Variants in FBXL13 observed in about 807,000 individuals in gnomAD.
The protein encoded by FBXL13 is F-box and leucine-rich repeat protein 13.
A neutral mutation model predicts 83.6 loss-of-function variants in FBXL13; 67 were observed. The ratio of observed to expected loss-of-function variants is 0.80; its 90% CI spans 0.66 to 0.98. The LOEUF (loss-of-function observed/expected upper bound fraction) is 0.98. Among genes scored for constraint, FBXL13 ranks in the 50% least tolerant of loss-of-function variants. FBXL13 has a pLI of 0.00. For synonymous variants in FBXL13, 272 were observed against 299.5 expected (o/e 0.91, Z 0.95); for missense variants, 822 against 866.5 (o/e 0.95, Z 0.64).
At chr7:102,821,956 A>G in intron 19 of FBXL13, 84 bp downstream of exon 20, 1 of 1,356,664 alleles carries the variant, frequency 7.4e-7, no homozygotes, top group Non-Finnish European at 1.0e-6. Flanking sequence ...GAAAGCTGCT[A>G]TGTATTATGA....
At chr7:102,915,263 G>A (rs1266148496) in intron 10 of FBXL13, among the ~76,000 whole-genome samples, 1 of 151,654 alleles carries the variant, frequency 6.6e-6, no homozygotes, top group African/African-American at 2.4e-5. Context: ...GAATACAGAA[G>A]TAACAGTATT....
chr7:102,958,293 AC>A (rs1824614903), intron 8 of FBXL13, among the ~76,000 whole-genome samples: 1 of 151,554 alleles, frequency 6.6e-6, no homozygotes, highest in African/African-American at 2.4e-5. Context: ...AGGACAGAAA[AC>A]CAAACACCGC....
chr7:102,867,691 ATATATTT>A (rs1302584935), intron 16 of FBXL13, among the ~76,000 whole-genome samples: 13 of 71,592 alleles, frequency 1.8e-4, no homozygotes, highest in African/African-American at 4.6e-4. Context: ...ATATATATAT[ATATATTT>A]TTTTTTTTTT....
intron 10 of FBXL13, among the ~76,000 whole-genome samples, chr7:102,917,522 C>A (rs1010174541): frequency 2.0e-5 from 3 of 152,060 alleles, no homozygotes; most frequent in Non-Finnish European, 4.4e-5. Context: ...GATGGCGAGA[C>A]TTAAGGTGTG....
intron 8 of FBXL13, chr7:102,936,159 A>G (rs1820272843): frequency 2.6e-5 from 4 of 152,072 alleles, no homozygotes; most frequent in Admixed American, 2.6e-4. Context: ...TGCCATAGGA[A>G]AGCAGTTACA....
At chr7:102,823,643 A>T (rs1799120956) in intron 18 of FBXL13, among the ~76,000 whole-genome samples, 1 of 152,254 alleles carries the variant, frequency 6.6e-6, no homozygotes. Context: ...AGAATCAACT[A>T]GATTACTCTC....
chr7:102,990,569 G>C lies in FBXL13; in HGVS notation c.496-22452C>G, dbSNP rs193287966. 6.6e-4 allele frequency among the ~76,000 whole-genome samples: 101 copies of C among 152,212 alleles called. 3 individuals carry two copies. Among genetic ancestry groups the C allele is most frequent in the Admixed American group, 6.1e-3 (93 of 15,286 alleles). On this transcript the variant is annotated intron_variant, in intron 6 of 19. Transcript: ENST00000313221. ...TGTCCTCAAGGCACATATAGTCCAA[G>C]AAGAAAACACAAAATAGGCCATTAT... is the stretch of plus-strand genomic sequence containing the variant.
chr7:102,962,194 T>G lies in FBXL13; in HGVS notation c.724+1339A>C, dbSNP rs1329301146. On this transcript the variant is annotated intron_variant, in intron 8 of 19. Coordinates refer to ENST00000313221, the Ensembl canonical transcript of FBXL13. ...GGCGAAGGACATGAACAGACACTTC[T>G]CAAAAGAAGACATTTATGCAGCCAA... 7.2e-4 allele frequency among the ~76,000 whole-genome samples: 109 copies of G among 151,544 alleles called. 1 individual carries two copies. The highest frequency in any genetic ancestry group is 2.0e-3 in the African/African-American group (81 of 41,154).
At chr7:102,959,601 C>A (rs954084281) in intron 8 of FBXL13, among the ~76,000 whole-genome samples, 5 of 151,952 alleles carry the variant, frequency 3.3e-5, no homozygotes, top group African/African-American at 1.2e-4. Flanking sequence ...GGTATTTGTA[C>A]ATGTATATGA....
intron 8 of FBXL13, among the ~76,000 whole-genome samples, chr7:102,943,631 A>G (rs1821900696): frequency 6.6e-6 from 1 of 152,180 alleles, no homozygotes; most frequent in African/African-American, 2.4e-5. Context: ...TCTCGCCACT[A>G]TGTAACCAGG....
At chr7:102,823,598 G>A (rs1304498659) in intron 18 of FBXL13, among the ~76,000 whole-genome samples, 2 of 152,172 alleles carry the variant, frequency 1.3e-5, no homozygotes, top group African/African-American at 4.8e-5. Context: ...TCCAGGATAA[G>A]CTTTCAAATT....
chr7:102,963,463 T>C (rs1359940044), intron 8 of FBXL13, 70 bp downstream of exon 9: 2 of 1,572,288 alleles, frequency 1.3e-6, no homozygotes, highest in African/African-American at 2.8e-5. Flanking sequence ...TTTTAATCTA[T>C]GCTTTTCTGT....
intron 10 of FBXL13, among the ~76,000 whole-genome samples, chr7:102,921,321 A>G (rs1816969653): frequency 6.6e-6 from 1 of 152,254 alleles, no homozygotes; most frequent in South Asian, 2.1e-4. Flanking sequence ...GGCAACTAAT[A>G]TATCACTATT....
At chr7:102,942,039 C>A (rs1821566064) in intron 8 of FBXL13, among the ~76,000 whole-genome samples, 1 of 152,132 alleles carries the variant, frequency 6.6e-6, no homozygotes, top group South Asian at 2.1e-4. Flanking sequence ...GCCTTTTAAT[C>A]TTGTTCACCA....
At chr7:102,817,079 G>A (rs1028711609) in intron 19 of FBXL13, among the ~76,000 whole-genome samples, 1 of 152,172 alleles carries the variant, frequency 6.6e-6, no homozygotes, top group Admixed American at 6.6e-5. Flanking sequence ...ACAACTGCAG[G>A]TGTCTTTTTG....
chr7:102,914,195 C>A (rs1006628431), intron 10 of FBXL13, among the ~76,000 whole-genome samples: 1 of 152,240 alleles, frequency 6.6e-6, no homozygotes, highest in Non-Finnish European at 1.5e-5. Context: ...GCCTCAGCCT[C>A]CCAAGTGGCT....
chr7:102,874,661 C>A (rs1246733223), intron 16 of FBXL13, among the ~76,000 whole-genome samples: 1 of 152,122 alleles, frequency 6.6e-6, no homozygotes, highest in African/African-American at 2.4e-5. Context: ...ACCTTCTGGG[C>A]TCAAGCCATA....
intron 2 of FBXL13, among the ~76,000 whole-genome samples, chr7:103,034,295 C>T (rs375874748): frequency 2.1e-4 from 32 of 152,244 alleles, no homozygotes; most frequent in East Asian, 1.5e-3. Flanking sequence ...GAGCGGGGGG[C>T]GGCGCTTGTA....
intron 3 of FBXL13, 93 bp from the exon 5 acceptor site, chr7:103,028,841 C>T: frequency 9.4e-7 from 1 of 1,060,790 alleles, no homozygotes; most frequent in Non-Finnish European, 1.3e-6. Flanking sequence ...ATGATATCTC[C>T]TTTATGACCT....
Sources: allele counts gnomAD v4.1 joint callset (sites outside exome capture counted in the v4.1 genomes callset), GRCh38; gene constraint gnomAD v4.1.1; transcripts MANE v1.5; gene names NCBI Gene and HGNC (gene_info 2026-07-23, HGNC 2026-07-21).